Variants in SNAP91 observed in about 807,000 individuals in gnomAD.
The protein encoded by SNAP91 is clathrin coat assembly protein AP180.
Under a neutral mutation model 100.3 loss-of-function variants are expected in SNAP91, and 27 were observed. The ratio of observed to expected loss-of-function variants is 0.27; its 90% CI spans 0.20 to 0.37. SNAP91 has a LOEUF of 0.37. Ranked by LOEUF, SNAP91 falls within the 10% of genes least tolerant of loss-of-function variation. SNAP91 has a pLI of 1.00. For synonymous variants in SNAP91, 404 were observed against 398.6 expected (o/e 1.01, Z -0.16); for missense variants, 986 against 1,123.7 (o/e 0.88, Z 1.75).
At chr6:83,629,396 G>A (rs2097112404) in intron 8 of SNAP91, among the ~76,000 whole-genome samples, 1 of 152,000 alleles carries the variant, frequency 6.6e-6, no homozygotes, top group Admixed American at 6.6e-5. Context: ...CTAATTCTGT[G>A]AAGAATAGTG....
rs185548457 is a variant in SNAP91 at position 83,670,913 on chromosome 6, C to A, written c.131-5332G>T. Among the ~76,000 whole-genome samples, 623 of 152,036 alleles carry A rather than the reference C, an allele frequency of 4.1e-3. 5 individuals carry two copies. The highest frequency in any genetic ancestry group is 0.014 in the African/African-American group (599 of 41,534). ...ACTACTTTGATTACTATAAATTTAT[C>A]ATAATTCATAAAATCAGATAGTGTT... On this transcript the variant is annotated intron_variant, in intron 2 of 29. Coordinates refer to ENST00000369694, the MANE Select transcript of SNAP91 (RefSeq NM_001242792.2).
At position 83,593,279 on chromosome 6, in the gene SNAP91, T is replaced by G. The variant is rs201713356; in HGVS notation, c.1697-20A>C. The G allele has an allele frequency of 1.3e-6, 2 of 1,575,136 alleles. No homozygotes were observed. The highest frequency in any genetic ancestry group is 1.3e-5 in the African/African-American group (1 of 74,170). Reference sequence around the variant, plus strand: ...ATAAATCTAAGACCAAGAACACACATGCCTTTACTCAACTTGAACAATAAG... The same window carrying G: ...ATAAATCTAAGACCAAGAACACACAGGCCTTTACTCAACTTGAACAATAAG... On this transcript the variant is annotated intron_variant, in intron 18 of 29. Transcript: ENST00000369694.
chr6:83,557,655 C>T (rs1235010393), intron 28 of SNAP91, among the ~76,000 whole-genome samples: 1 of 152,032 alleles, frequency 6.6e-6, no homozygotes, highest in African/African-American at 2.4e-5. Flanking sequence ...GCCTGGGCAA[C>T]AGAGTGAGAA....
intron 6 of SNAP91, among the ~76,000 whole-genome samples, chr6:83,657,217 T>C (rs969271735): frequency 6.6e-6 from 1 of 152,212 alleles, no homozygotes; most frequent in South Asian, 2.1e-4. Flanking sequence ...TAATAGTTTC[T>C]GTGAAAGGAT....
intron 2 of SNAP91, among the ~76,000 whole-genome samples, chr6:83,676,175 TA>T (rs1340150475): frequency 6.6e-6 from 1 of 152,080 alleles, no homozygotes; most frequent in Non-Finnish European, 1.5e-5. Flanking sequence ...AACACATTTT[TA>T]TTTAGTGCCT....
In SNAP91 at chr6:83,580,416, G is replaced by A. The variant is rs760447435; in HGVS notation, c.2299+34C>T. 1.1e-5 allele frequency: 14 copies of A among 1,261,786 alleles called. No individual in the cohort carries two copies. In the East Asian group the frequency reaches 2.8e-4, roughly 25 times the overall value. 78.2% of individuals were successfully genotyped at this position (1,261,786 alleles called of 1,614,324 possible). A position where few individuals can be genotyped will look rare whatever the true frequency, so the allele number is the denominator to read the frequency against. ...CAAAAAACAATTCACATATGCTTCAGTTAAAGAAAAAAAAAAAAAACTAGA... is the reference window on the plus strand; with the variant it reads ...CAAAAAACAATTCACATATGCTTCAATTAAAGAAAAAAAAAAAAAACTAGA... On this transcript the variant is annotated intron_variant, in intron 24 of 29. Transcript: ENST00000369694.
chr6:83,608,433 TTAATA>T (rs2128293645), intron 12 of SNAP91, among the ~76,000 whole-genome samples: 1 of 152,308 alleles, frequency 6.6e-6, no homozygotes, highest in South Asian at 2.1e-4. Context: ...TAATAGTCAA[TTAATA>T]TATTACAAGA....
chr6:83,594,407 CAGG>C lies in SNAP91; in HGVS notation c.1396_1398del (p.Pro466del). ...GAACATGCATCAAGTGCTGCTGCTA[CAGG>C]GGTTGGGGTAGCTGGTGCGGCGGCC... On this transcript the variant is annotated inframe_deletion, in exon 17 of 30. Coordinates refer to ENST00000369694, the MANE Select transcript of SNAP91 (RefSeq NM_001242792.2). 1 of 1,553,492 alleles carries C rather than the reference CAGG, an allele frequency of 6.4e-7. No individual in the cohort carries two copies. The highest frequency in any genetic ancestry group is 8.7e-7 in the Non-Finnish European group (1 of 1,147,788).
chr6:83,604,303 T>C (rs915178199), intron 14 of SNAP91, among the ~76,000 whole-genome samples: 16 of 150,940 alleles, frequency 1.1e-4, no homozygotes, highest in African/African-American at 4.0e-4. Flanking sequence ...CCTTTACCAA[T>C]AGAAATTTAA....
chr6:83,602,162 A>T (rs2095293300), intron 14 of SNAP91, among the ~76,000 whole-genome samples: 1 of 152,160 alleles, frequency 6.6e-6, no homozygotes, highest in Admixed American at 6.5e-5. Context: ...ATGAGGATTT[A>T]AAAAATCCTC....
At chr6:83,659,335 C>T (rs751602497) in intron 5 of SNAP91, among the ~76,000 whole-genome samples, 6 of 151,510 alleles carry the variant, frequency 4.0e-5, no homozygotes, top group East Asian at 1.9e-4. Context: ...AGAAAGCAAT[C>T]GGGTCTGGAT....
At chr6:83,560,074 C>A in intron 28 of SNAP91, 30 bp downstream of exon 28, 2 of 1,556,364 alleles carry the variant, frequency 1.3e-6, no homozygotes, top group South Asian at 2.2e-5. Flanking sequence ...TAGTTAATGT[C>A]ACTGATTTGT....
At chr6:83,589,220 G>A (rs1582645196) in intron 22 of SNAP91, among the ~76,000 whole-genome samples, 1 of 152,260 alleles carries the variant, frequency 6.6e-6, no homozygotes, top group South Asian at 2.1e-4. Context: ...GAAAGTTTCT[G>A]TAGCCAATTG....
At chr6:83,704,244 C>T (rs2099352713) in intron 2 of SNAP91, among the ~76,000 whole-genome samples, 2 of 152,012 alleles carry the variant, frequency 1.3e-5, no homozygotes, top group South Asian at 2.1e-4. Flanking sequence ...GGAAAGGAGG[C>T]GAGGATGTAC....
chr6:83,597,817 C>T (rs1423115773), intron 16 of SNAP91, among the ~76,000 whole-genome samples: 6 of 152,232 alleles, frequency 3.9e-5, no homozygotes, highest in African/African-American at 1.4e-4. Flanking sequence ...TCTGGTTCCT[C>T]TTTGTCTCCA....
chr6:83,596,728 TTA>T (rs974949611), intron 16 of SNAP91, among the ~76,000 whole-genome samples: 4 of 151,008 alleles, frequency 2.6e-5, no homozygotes, highest in African/African-American at 9.8e-5. Context: ...ATGTTGTACA[TTA>T]TATATATATG....
intron 8 of SNAP91, among the ~76,000 whole-genome samples, chr6:83,635,973 T>C (rs2097425547): frequency 6.6e-6 from 1 of 152,184 alleles, no homozygotes; most frequent in African/African-American, 2.4e-5. Flanking sequence ...GAAATTCTTC[T>C]CTTTAAGAAT....
chr6:83,658,954 GACA>G (rs1489809235), intron 6 of SNAP91, 42 bp downstream of exon 6: 1 of 1,413,166 alleles, frequency 7.1e-7, no homozygotes, highest in African/African-American at 1.4e-5. Context: ...TCAAATGAAA[GACA>G]ACATTGATTG....
Position 83,552,933 on chromosome 6 carries a change from T to C in SNAP91, c.*1363A>G, listed in dbSNP as rs1303851977. 6.6e-6 allele frequency: 1 copy of C among 152,648 alleles called. No homozygotes were observed. Among genetic ancestry groups the C allele is most frequent in the Non-Finnish European group, 1.5e-5 (1 of 68,032 alleles). 9.5% of individuals were successfully genotyped at this position (152,648 alleles called of 1,614,324 possible). A position where few individuals can be genotyped will look rare whatever the true frequency, so the allele number is the denominator to read the frequency against. On this transcript the variant is annotated 3_prime_UTR_variant, in exon 30 of 30. Coordinates refer to ENST00000369694, the MANE Select transcript of SNAP91 (RefSeq NM_001242792.2). ...TTTATTGCATCTCAGAGGGCGTACA[T>C]GCACTGGGTTTTTAAACTGAAATAC...
Sources: gnomAD v4.1 joint callset for allele counts (sites outside exome capture counted in the v4.1 genomes callset) on GRCh38, gnomAD v4.1.1 for gene constraint, MANE v1.5 for transcripts, NCBI Gene and HGNC (gene_info 2026-07-23, HGNC 2026-07-21) for gene names.